The following SPATA16 variants were observed in gnomAD, a reference collection of about 807,000 sequenced individuals.
The protein encoded by SPATA16 is spermatogenesis-associated protein 16.
SPATA16 carries 36 observed loss-of-function variants against 63.3 expected under a neutral mutation model. The ratio of observed to expected loss-of-function variants is 0.57; its 90% CI spans 0.44 to 0.75. The LOEUF (loss-of-function observed/expected upper bound fraction) is 0.75, where lower values mean the gene tolerates loss of function less well. Ranked by LOEUF, SPATA16 falls within the 30% of genes least tolerant of loss-of-function variation. The pLI is 0.00. For missense variants in SPATA16, 646 were observed against 679.3 expected, an observed-to-expected ratio of 0.95 and a Z score of 0.54; for synonymous variants, 203 against 216.7, an observed-to-expected ratio of 0.94 and a Z score of 0.56.
At chr3:173,032,421 C>T (rs1050623385) in intron 3 of SPATA16, among the ~76,000 whole-genome samples, 12 of 152,020 alleles carry the variant, frequency 7.9e-5, no homozygotes, top group Non-Finnish European at 1.8e-4. Context: ...TAAAAATCAT[C>T]AGGATCTATG....
chr3:172,904,861 C>T (rs76963960), intron 10 of SPATA16, among the ~76,000 whole-genome samples: 14,173 of 152,094 alleles, frequency 0.093, 731 homozygotes, highest in African/African-American at 0.13. Context: ...TTCCCGGGTC[C>T]GATTGCCCCA....
At chr3:172,916,563 A>G (rs1002905435) in intron 8 of SPATA16, 82 bp from the exon 9 acceptor site, 6 of 1,419,050 alleles carry the variant, frequency 4.2e-6, no homozygotes, top group Middle Eastern at 3.6e-4. Flanking sequence ...AGGGCTTGTG[A>G]TAACGTATTT....
intron 4 of SPATA16, among the ~76,000 whole-genome samples, chr3:172,979,616 G>T (rs899932435): frequency 6.6e-5 from 10 of 152,080 alleles, no homozygotes; most frequent in African/African-American, 2.4e-4. Context: ...TGTAAAATTA[G>T]AATTTTTAGC....
At chr3:173,076,344 G>C (rs1323902687) in intron 2 of SPATA16, among the ~76,000 whole-genome samples, 2 of 152,024 alleles carry the variant, frequency 1.3e-5, no homozygotes. Context: ...GTAGTTCTGA[G>C]CTCATTTAAT....
intron 2 of SPATA16, among the ~76,000 whole-genome samples, chr3:173,075,856 G>A (rs1178465140): frequency 2.0e-5 from 3 of 152,130 alleles, no homozygotes; most frequent in African/African-American, 7.2e-5. Context: ...GTGTTTGGTA[G>A]CACAATAGGA....
rs954833404 is a variant in SPATA16 at position 172,990,382 on chromosome 3, A to G, written c.849-13330T>C. On this transcript the variant is annotated intron_variant, in intron 4 of 10. Transcript: ENST00000351008. ...TTGAAGTTAAAATGGGATTCTATAT[A>G]TTAAACCAACATTTTCACTGATTAC... is the stretch of plus-strand genomic sequence containing the variant. Among the ~76,000 whole-genome samples the G allele has an allele frequency of 5.9e-5, 9 of 152,322 alleles. No homozygotes were observed. The East Asian group carries it at 1.7e-3, about 29-fold the overall frequency.
intron 5 of SPATA16, among the ~76,000 whole-genome samples, chr3:172,962,278 A>G (rs1313363990): frequency 6.7e-6 from 1 of 149,340 alleles, no homozygotes; most frequent in Non-Finnish European, 1.5e-5. Flanking sequence ...AAAAAAAAAA[A>G]GGACTCACAG....
chr3:173,079,851 TG>T (rs1030181133), intron 2 of SPATA16, among the ~76,000 whole-genome samples: 5 of 143,818 alleles, frequency 3.5e-5, no homozygotes, highest in Non-Finnish European at 7.5e-5. Flanking sequence ...ACTCTTCTAC[TG>T]TTTTTTTTTT....
chr3:173,059,252 T>C (rs1192617985), intron 2 of SPATA16, among the ~76,000 whole-genome samples: 1 of 151,884 alleles, frequency 6.6e-6, no homozygotes, highest in Non-Finnish European at 1.5e-5. Flanking sequence ...TTCTAATTCA[T>C]TAGTTTTGGC....
chr3:173,085,843 C>G (rs997043660), intron 2 of SPATA16, among the ~76,000 whole-genome samples: 8 of 152,108 alleles, frequency 5.3e-5, no homozygotes, highest in Non-Finnish European at 1.0e-4. Context: ...GTTGAACCAG[C>G]CTTGCATCCC....
chr3:172,960,292 C>T (rs1733719789), intron 5 of SPATA16, among the ~76,000 whole-genome samples: 2 of 152,168 alleles, frequency 1.3e-5, no homozygotes, highest in Admixed American at 6.5e-5. Flanking sequence ...TCTCTGATGT[C>T]AGTAAATGTT....
chr3:172,929,524 C>A (rs1041566096), intron 6 of SPATA16, among the ~76,000 whole-genome samples: 3 of 152,122 alleles, frequency 2.0e-5, no homozygotes, highest in African/African-American at 4.8e-5. Context: ...TTGTCCTCTC[C>A]TTAAAAATCA....
intron 2 of SPATA16, among the ~76,000 whole-genome samples, chr3:173,116,234 C>T (rs765661793): frequency 6.6e-6 from 1 of 152,176 alleles, no homozygotes; most frequent in Non-Finnish European, 1.5e-5. Context: ...TTGTCTTCCT[C>T]ACCAGGTGGT....
At chr3:173,008,047 T>C (rs1034977706) in intron 4 of SPATA16, among the ~76,000 whole-genome samples, 2 of 152,202 alleles carry the variant, frequency 1.3e-5, no homozygotes, top group Non-Finnish European at 1.5e-5. Context: ...AGTGATATTT[T>C]TGATTTCAGT....
chr3:172,958,846 AG>A (rs1391236031), intron 5 of SPATA16, among the ~76,000 whole-genome samples: 1 of 152,070 alleles, frequency 6.6e-6, no homozygotes, highest in East Asian at 1.9e-4. Flanking sequence ...ATATTGGATT[AG>A]GGTTCACTCT....
Position 173,088,004 on chromosome 3 carries a change from TTCCG to T in SPATA16, c.612+29112_612+29115del, listed in dbSNP as rs201588015. 8.8e-3 allele frequency among the ~76,000 whole-genome samples: 1,246 copies of T among 140,894 alleles called. 42 individuals are homozygous for T. The highest frequency in any genetic ancestry group is 0.036 in the African/African-American group (1,195 of 33,050). The allele number at this position is 140,894 out of a possible 152,430, so 92.4% of individuals were successfully genotyped here. On this transcript the variant is annotated intron_variant, in intron 2 of 10. Coordinates refer to ENST00000351008, the MANE Select transcript of SPATA16 (RefSeq NM_031955.6). ...GAGAATCTGATGATTAGCATTTTCTTTCCGTCTTTCTTTCTTTCTTTCTTTCTTT... is the reference window on the plus strand; with the variant it reads ...GAGAATCTGATGATTAGCATTTTCTTTCTTTCTTTCTTTCTTTCTTTCTTT...
chr3:173,118,163 A>G (rs1024677333), intron 1 of SPATA16, among the ~76,000 whole-genome samples: 5 of 152,232 alleles, frequency 3.3e-5, no homozygotes, highest in African/African-American at 1.2e-4. Context: ...TACACTACTC[A>G]CCTGAATAAT....
At chr3:173,135,957 C>A (rs1738535005) in intron 1 of SPATA16, among the ~76,000 whole-genome samples, 1 of 152,192 alleles carries the variant, frequency 6.6e-6, no homozygotes, top group African/African-American at 2.4e-5. Context: ...GAAAATCAAT[C>A]AAGACAGCTT....
chr3:172,936,511 G>A (rs1295790151), intron 6 of SPATA16, among the ~76,000 whole-genome samples: 1 of 152,050 alleles, frequency 6.6e-6, no homozygotes, highest in Non-Finnish European at 1.5e-5. Flanking sequence ...TTTACTTGCT[G>A]TTACTGCATT....
Sources: gnomAD v4.1 joint callset for allele counts (sites outside exome capture counted in the v4.1 genomes callset) on GRCh38, gnomAD v4.1.1 for gene constraint, MANE v1.5 for transcripts, NCBI Gene and HGNC (gene_info 2026-07-23, HGNC 2026-07-21) for gene names.